NAALADL2: variants seen among roughly 807,000 people sequenced by gnomAD.
NAALADL2 encodes the protein N-acetylated alpha-linked acidic dipeptidase like 2, also known as inactive N-acetylated-alpha-linked acidic dipeptidase-like protein 2.
A neutral mutation model predicts 87.2 loss-of-function variants in NAALADL2; 76 were observed. The ratio of observed to expected loss-of-function variants is 0.87; its 90% CI spans 0.72 to 1.05. The LOEUF (loss-of-function observed/expected upper bound fraction) is 1.05, where lower values mean the gene tolerates loss of function less well. NAALADL2 is among the 50% of genes least tolerant of loss of function. The pLI is 0.00. For missense variants in NAALADL2, 1,089 were observed against 945.8 expected, an observed-to-expected ratio of 1.15 and a Z score of -1.99; for synonymous variants, 354 against 331.0, an observed-to-expected ratio of 1.07 and a Z score of -0.75.
At chr3:174,951,597 A>AT (rs1329397473) in intron 1 of NAALADL2, among the ~76,000 whole-genome samples, 5 of 152,124 alleles carry the variant, frequency 3.3e-5, no homozygotes, top group African/African-American at 1.2e-4. Context: ...TAAAGTTAAT[A>AT]TAAAGAGTTC....
intron 1 of NAALADL2, among the ~76,000 whole-genome samples, chr3:175,049,187 T>G (rs570954026): frequency 6.6e-6 from 1 of 152,186 alleles, no homozygotes; most frequent in South Asian, 2.1e-4. Flanking sequence ...ATCTTGATGA[T>G]TTAGTATTGG....
At chr3:175,148,998 A>G (rs554680681) in intron 2 of NAALADL2, among the ~76,000 whole-genome samples, 53 of 152,294 alleles carry the variant, frequency 3.5e-4, no homozygotes, top group African/African-American at 1.3e-3. Context: ...TAATATTTCT[A>G]GTTTCATAGG....
chr3:175,562,118 A>C (rs2149517608), intron 9 of NAALADL2, among the ~76,000 whole-genome samples: 1 of 152,282 alleles, frequency 6.6e-6, no homozygotes, highest in African/African-American at 2.4e-5. Flanking sequence ...GGGAAGAGAG[A>C]ATTTCCAAGG....
At chr3:175,657,014 T>C (rs978470089) in intron 11 of NAALADL2, among the ~76,000 whole-genome samples, 1 of 152,094 alleles carries the variant, frequency 6.6e-6, no homozygotes, top group African/African-American at 2.4e-5. Context: ...GAAAAATGAG[T>C]GTAAGAAAAC....
At chr3:174,808,909 C>A (rs1719830118) in intron 3 of NAALADL2, among the ~76,000 whole-genome samples, 1 of 151,620 alleles carries the variant, frequency 6.6e-6, no homozygotes, top group Non-Finnish European at 1.5e-5. Flanking sequence ...TGAAATCTAT[C>A]CAGACTTTGA....
chr3:175,703,264 C>A (rs1286337385), intron 11 of NAALADL2, among the ~76,000 whole-genome samples: 3 of 152,090 alleles, frequency 2.0e-5, no homozygotes, highest in African/African-American at 7.2e-5. Context: ...AATCATTAAA[C>A]CTTGGGAACA....
intron 9 of NAALADL2, among the ~76,000 whole-genome samples, chr3:175,514,268 A>G (rs1404683679): frequency 1.3e-5 from 2 of 152,170 alleles, no homozygotes; most frequent in Non-Finnish European, 2.9e-5. Flanking sequence ...TGTGGATTTA[A>G]ATGGTAGGTT....
intron 4 of NAALADL2, among the ~76,000 whole-genome samples, chr3:175,322,401 G>A (rs1290221938): frequency 1.0e-4 from 11 of 106,476 alleles, no homozygotes; most frequent in East Asian, 2.9e-4. Flanking sequence ...GAAAACCTAG[G>A]CATTACCATT....
chr3:175,001,663 A>G (rs1341196293), intron 1 of NAALADL2, among the ~76,000 whole-genome samples: 3 of 152,126 alleles, frequency 2.0e-5, no homozygotes, highest in African/African-American at 7.2e-5. Context: ...ATGTAAGCTC[A>G]GTCTTGGGTG....
intron 5 of NAALADL2, among the ~76,000 whole-genome samples, chr3:175,367,196 T>C (rs1765737864): frequency 6.6e-6 from 1 of 151,852 alleles, no homozygotes; most frequent in African/African-American, 2.4e-5. Context: ...TTCTGAGGGC[T>C]CTATTCTGTT....
intron 2 of NAALADL2, among the ~76,000 whole-genome samples, chr3:174,681,491 G>T (rs564849340): frequency 6.6e-6 from 1 of 152,176 alleles, no homozygotes; most frequent in African/African-American, 2.4e-5. Flanking sequence ...TTGCAACTTG[G>T]ATAGTAGCTC....
intron 6 of NAALADL2, among the ~76,000 whole-genome samples, chr3:175,448,855 G>A (rs1229788053): frequency 1.3e-5 from 2 of 151,644 alleles, no homozygotes; most frequent in African/African-American, 4.9e-5. Flanking sequence ...GACTACAGGT[G>A]TGTGCCACCA....
chr3:175,467,136 T>C lies in NAALADL2; in HGVS notation c.1485T>C (p.Ser495=). 6.2e-7 allele frequency: 1 copy of C among 1,613,888 alleles called. No homozygotes were observed. Among genetic ancestry groups the C allele is most frequent in the African/African-American group, 1.3e-5 (1 of 75,032 alleles). The part of the protein sequence containing the change: ...WRPDRTIVFC[S]WGGTAFGNIG... ...CAGACCGAACTATTGTTTTCTGTTC[T>C]TGGGGAGGAACAGCTTTTGGCAATA... Residue 495 remains serine, a synonymous_variant, in exon 8 of 14, where the codon TCT becomes TCC. Transcript: ENST00000454872.
intron 2 of NAALADL2, among the ~76,000 whole-genome samples, chr3:175,148,990 A>G (rs2108771201): frequency 6.6e-6 from 1 of 152,268 alleles, no homozygotes; most frequent in South Asian, 2.1e-4. Flanking sequence ...GTGAAAAATA[A>G]TATTTCTAGT....
At chr3:175,680,743 T>C (rs1441942221) in intron 11 of NAALADL2, among the ~76,000 whole-genome samples, 1 of 152,200 alleles carries the variant, frequency 6.6e-6, no homozygotes, top group Non-Finnish European at 1.5e-5. Flanking sequence ...GTTGCATTCT[T>C]AGTAACTAGC....
intron 9 of NAALADL2, among the ~76,000 whole-genome samples, chr3:175,569,914 T>TTG (rs5854642): frequency 0.64 from 95,909 of 149,888 alleles, 33,152 homozygotes; most frequent in East Asian, 0.84. Context: ...CTATATGAAT[T>TTG]TGTGTGTGTG....
chr3:174,935,160 C>T (rs893606716), intron 1 of NAALADL2, among the ~76,000 whole-genome samples: 1 of 138,058 alleles, frequency 7.2e-6, no homozygotes, highest in African/African-American at 2.7e-5. Context: ...GTTGGAAAAT[C>T]AACTGCAAAA....
chr3:174,885,383 A>G (rs1319616969), intron 1 of NAALADL2, among the ~76,000 whole-genome samples: 1 of 151,990 alleles, frequency 6.6e-6, no homozygotes, highest in Non-Finnish European at 1.5e-5. Context: ...TGAGTTCATC[A>G]TTTTCTTTCA....
At chr3:174,998,857 G>A (rs1268150733) in intron 1 of NAALADL2, among the ~76,000 whole-genome samples, 2 of 151,888 alleles carry the variant, frequency 1.3e-5, no homozygotes, top group Non-Finnish European at 2.9e-5. Context: ...AGTTTATAGT[G>A]GTATCATTAA....
Sources: allele counts gnomAD v4.1 joint callset (sites outside exome capture counted in the v4.1 genomes callset), GRCh38; gene constraint gnomAD v4.1.1; transcripts MANE v1.5; gene names NCBI Gene and HGNC (gene_info 2026-07-23, HGNC 2026-07-21).